SLCO4C1: variants seen among roughly 807,000 people sequenced by gnomAD.
The protein encoded by SLCO4C1 is solute carrier organic anion transporter family member 4C1, also known as organic anion transporter M1.
In SLCO4C1, 58 loss-of-function variants were observed where a neutral mutation model predicts 72.1. The observed-to-expected ratio is 0.80, with a 90% CI of 0.65 to 1.00. The LOEUF (loss-of-function observed/expected upper bound fraction) is 1.00. SLCO4C1 is among the 50% of genes least tolerant of loss of function. SLCO4C1 has a pLI of 0.00. For missense variants in SLCO4C1, 898 were observed against 857.9 expected (o/e 1.05, Z -0.58); for synonymous variants, 297 against 312.5 (o/e 0.95, Z 0.52).
chr5:102,250,078 T>C (rs187979439), intron 8 of SLCO4C1, among the ~76,000 whole-genome samples: 1 of 152,220 alleles, frequency 6.6e-6, no homozygotes, highest in East Asian at 1.9e-4. Flanking sequence ...TCTTGTGGGG[T>C]TGGTTCTATG....
chr5:102,293,396 A>T (rs1361287678), intron 1 of SLCO4C1, among the ~76,000 whole-genome samples: 1 of 152,192 alleles, frequency 6.6e-6, no homozygotes, highest in Non-Finnish European at 1.5e-5. Context: ...TGACTCTTAA[A>T]GTGAATTCTA....
intron 2 of SLCO4C1, among the ~76,000 whole-genome samples, chr5:102,290,379 C>G (rs1749530232): frequency 6.6e-6 from 1 of 152,172 alleles, no homozygotes; most frequent in South Asian, 2.1e-4. Flanking sequence ...TTGTTGGGAA[C>G]AAACAGAACT....
intron 1 of SLCO4C1, among the ~76,000 whole-genome samples, chr5:102,291,853 CT>C (rs1388167147): frequency 6.6e-5 from 10 of 151,888 alleles, no homozygotes; most frequent in Non-Finnish European, 1.2e-4. Context: ...CAGAGTTTCA[CT>C]TTCATTGCCC....
chr5:102,241,443 G>T lies in SLCO4C1; in HGVS notation c.1812-661C>A, dbSNP rs570824977. Among the ~76,000 whole-genome samples, 10 of 151,942 alleles carry T rather than the reference G, an allele frequency of 6.6e-5. No homozygotes were observed. In the South Asian group the frequency reaches 1.9e-3, roughly 28 times the overall value. On this transcript the variant is annotated intron_variant, in intron 10 of 12. Coordinates refer to ENST00000310954, the MANE Select transcript of SLCO4C1 (RefSeq NM_180991.5). ...CAAAATCATAATACAAAAATCAGCT[G>T]CACTTCTATACACCAACAATGAACA...
At position 102,236,926 on chromosome 5, in the gene SLCO4C1, T is replaced by C. The variant is rs1451700357; in HGVS notation, c.2107A>G (p.Lys703Glu). The change falls in exon 13 of 13, where the codon AAA (lysine) becomes GAA (glutamate). Residue 703 changes from lysine to glutamate, a missense_variant. By Grantham distance (56) the Lys-to-Glu change is moderately conservative. Transcript: ENST00000310954. The stretch of plus-strand genomic sequence containing the variant: ...ACATTAGTCACAACTGCATTCTCTT[T>C]ATGAAATGACACATCTGTGGCTGAT... ...PPSATDVSFH[K>E]ENAVVTNVLA... The C allele has an allele frequency of 6.2e-7, 1 of 1,613,080 alleles. No individual in the cohort carries two copies. Among genetic ancestry groups the C allele is most frequent in the South Asian group, 1.1e-5 (1 of 90,906 alleles).
At chr5:102,266,369 G>T (rs1749038545) in intron 3 of SLCO4C1, among the ~76,000 whole-genome samples, 1 of 152,232 alleles carries the variant, frequency 6.6e-6, no homozygotes, top group South Asian at 2.1e-4. Flanking sequence ...TGGGCCTTCA[G>T]CCAGGCCTGG....
chr5:102,242,493 T>A (rs969809189), intron 10 of SLCO4C1, among the ~76,000 whole-genome samples: 3 of 152,102 alleles, frequency 2.0e-5, no homozygotes, highest in African/African-American at 7.2e-5. Context: ...GTCTTGCATC[T>A]AGGATACCAA....
At chr5:102,263,192 T>C (rs1022278229) in intron 4 of SLCO4C1, among the ~76,000 whole-genome samples, 21 of 152,196 alleles carry the variant, frequency 1.4e-4, no homozygotes, top group African/African-American at 4.3e-4. Context: ...TGGTGTCTGG[T>C]ATATAGCATA....
rs1749545432 is a variant in SLCO4C1 at position 102,291,397 on chromosome 5, A to G, written c.565T>C (p.Phe189Leu). The G allele has an allele frequency of 1.2e-6, 2 of 1,614,176 alleles. No individual in the cohort carries two copies. The highest frequency in any genetic ancestry group is 1.7e-6 in the Non-Finnish European group (2 of 1,180,020). The change falls in exon 2 of 13, where the codon TTC (phenylalanine) becomes CTC (leucine). Residue 189 changes from phenylalanine to leucine, a missense_variant. Physicochemically the swap from Phe to Leu is conservative, Grantham distance 22 (BLOSUM62 0). Coordinates refer to ENST00000310954, the MANE Select transcript of SLCO4C1 (RefSeq NM_180991.5). ...AFMIGLGALV[F>L]SLPQFFSGEY... is the part of the protein sequence containing the mutation. ...CCACTGAAAAATTGTGGCAATGAGA[A>G]TACAAGTGCTCCCAGTCCAATCATA...
chr5:102,293,220 A>G lies in SLCO4C1; in HGVS notation c.356-1614T>C, dbSNP rs974109056. Among the ~76,000 whole-genome samples the G allele has an allele frequency of 2.0e-5, 3 of 152,280 alleles. No individual in the cohort carries two copies. In the East Asian group the frequency reaches 5.8e-4, roughly 29 times the overall value. ...AAGTATCTTAGGATGACATTTTTAT[A>G]CGTTATCTAATAATACAAAATTTTC... On this transcript the variant is annotated intron_variant, in intron 1 of 12. Transcript: ENST00000310954.
chr5:102,271,444 A>T (rs530992862), intron 2 of SLCO4C1, among the ~76,000 whole-genome samples: 1 of 151,636 alleles, frequency 6.6e-6, no homozygotes, highest in South Asian at 2.1e-4. Context: ...TATCTATAGG[A>T]CAGGTTACAA....
intron 2 of SLCO4C1, 71 bp from the exon 3 acceptor site, chr5:102,270,877 C>T (rs563477242): frequency 2.5e-6 from 3 of 1,176,692 alleles, no homozygotes; most frequent in East Asian, 2.6e-5. Context: ...ATATAAATTA[C>T]ACTTGCCTAA....
At chr5:102,261,719 A>T (rs73774608) in intron 5 of SLCO4C1, among the ~76,000 whole-genome samples, 193 bp downstream of exon 5, 3,866 of 152,202 alleles carry the variant, frequency 0.025, 165 homozygotes, top group African/African-American at 0.088. Context: ...ATTGGAAATT[A>T]AAAAAACATG....
chr5:102,270,487 G>A (rs1461781985), intron 3 of SLCO4C1, 137 bp downstream of exon 3: 2 of 580,826 alleles, frequency 3.4e-6, no homozygotes, highest in African/African-American at 1.9e-5. Flanking sequence ...TAAAACAAAA[G>A]TAATACTGCA....
At chr5:102,245,635 C>T (rs1748622969) in intron 10 of SLCO4C1, among the ~76,000 whole-genome samples, 1 of 152,028 alleles carries the variant, frequency 6.6e-6, no homozygotes, top group African/African-American at 2.4e-5. Flanking sequence ...GACAGATTTT[C>T]CAGATAGAAT....
chr5:102,284,767 T>G lies in SLCO4C1; in HGVS notation c.619+6576A>C, dbSNP rs565950223. On this transcript the variant is annotated intron_variant, in intron 2 of 12. Transcript: ENST00000310954. The stretch of plus-strand genomic sequence containing the variant: ...TTTTTCTCTTGCTAAAGGACATGGA[T>G]TTTTTAAACCTCTACCTACCAGCAA... 2.6e-5 allele frequency among the ~76,000 whole-genome samples: 4 copies of G among 152,182 alleles called. No individual in the cohort carries two copies. In the East Asian group the frequency reaches 7.7e-4, roughly 29 times the overall value.
intron 2 of SLCO4C1, among the ~76,000 whole-genome samples, chr5:102,281,078 A>G (rs1749347857): frequency 6.6e-6 from 1 of 152,190 alleles, no homozygotes; most frequent in Admixed American, 6.6e-5. Context: ...TAAGTATAAT[A>G]GTCAAGAATG....
At position 102,249,704 on chromosome 5, in the gene SLCO4C1, A is replaced by G. The variant is rs749997161; in HGVS notation, c.1554T>C (p.Asp518=). 10 of 1,614,038 alleles carry G rather than the reference A, an allele frequency of 6.2e-6. No homozygotes were observed. Among genetic ancestry groups the G allele is most frequent in the Non-Finnish European group, 7.6e-6 (9 of 1,179,958 alleles). Residue 518 remains aspartate (D), a synonymous_variant, in exon 9 of 13, where the codon GAT becomes GAC. Transcript: ENST00000310954. ...SRSYYYPVCG[D]GVQYFSPCFA... ...AGCAGGGAGAAAAATATTGGACTCC[A>G]TCTCCACAGACAGGATAATAATATG...
At chr5:102,269,619 G>A (rs1749111425) in intron 3 of SLCO4C1, among the ~76,000 whole-genome samples, 1 of 152,014 alleles carries the variant, frequency 6.6e-6, no homozygotes, top group Admixed American at 6.6e-5. Flanking sequence ...GTTTATCTGA[G>A]TTCCCTTGAT....
Sources: gnomAD v4.1 joint callset for allele counts (sites outside exome capture counted in the v4.1 genomes callset) on GRCh38, gnomAD v4.1.1 for gene constraint, MANE v1.5 for transcripts, NCBI Gene and HGNC (gene_info 2026-07-23, HGNC 2026-07-21) for gene names.